The following MYC variants were observed in gnomAD, a reference collection of about 807,000 sequenced individuals.
The protein encoded by MYC is MYC proto-oncogene, bHLH transcription factor, also known as myc proto-oncogene protein.
MYC carries 1 observed loss-of-function variant against 30.5 expected under a neutral mutation model. That is an observed-to-expected ratio of 0.03 (90% CI 0.01 to 0.16). The LOEUF (loss-of-function observed/expected upper bound fraction) is 0.16. Among genes scored for constraint, MYC ranks in the 10% least tolerant of loss-of-function variants. MYC has a pLI of 1.00. For missense variants in MYC, 508 were observed against 589.0 expected (o/e 0.86, Z 1.42); for synonymous variants, 267 against 250.7 (o/e 1.07, Z -0.62).
chr8:127,738,058 A>G lies in MYC; in HGVS notation c.31-190A>G, dbSNP rs1404224049. Among the ~76,000 whole-genome samples, 3 of 151,856 alleles carry G rather than the reference A, an allele frequency of 2.0e-5. No individual in the cohort carries two copies. The highest frequency in any genetic ancestry group is 2.1e-4 in the South Asian group (1 of 4,816). On this transcript the variant is annotated intron_variant, in intron 1 of 2. Coordinates refer to ENST00000621592, the MANE Select transcript of MYC (RefSeq NM_002467.6). The surrounding 1 kb of genome is among the most constrained non-coding windows in gnomAD (Gnocchi z 7.6). The stretch of plus-strand genomic sequence containing the variant: ...TCACTAAGTGCGTCTCCGAGATAGC[A>G]GGGGACTGTCCAAAGGGGGTGAAAG...
chr8:127,740,572 C>T lies in MYC; in HGVS notation c.979C>T (p.Pro327Ser), dbSNP rs781494801. 36 of 1,613,910 alleles carry T rather than the reference C, an allele frequency of 2.2e-5. No individual in the cohort carries two copies. Among genetic ancestry groups the T allele is most frequent in the African/African-American group, 4.0e-5 (3 of 74,862 alleles). The change falls in exon 3 of 3, where the codon CCT becomes TCT. Residue 327 changes from proline (P) to serine (S), a missense_variant. Physicochemically the swap from Pro to Ser is moderately conservative, Grantham distance 74. Transcript: ENST00000621592. ...CACACATCAGCACAACTACGCAGCG[C>T]CTCCCTCCACTCGGAAGGACTATCC...
In MYC at chr8:127,738,543, C is replaced by T. The variant is rs1314120778; in HGVS notation, c.326C>T (p.Ser109Phe). The T allele has an allele frequency of 1.2e-6, 2 of 1,612,812 alleles. No homozygotes were observed. Among genetic ancestry groups the T allele is most frequent in the South Asian group, 2.2e-5 (2 of 90,862 alleles). Residue 109 changes from serine to phenylalanine, a missense_variant, in exon 2 of 3, where the codon TCC becomes TTC. Coordinates refer to ENST00000621592, the MANE Select transcript of MYC (RefSeq NM_002467.6). This position sits in a 1 kb window ranked among gnomAD's most constrained non-coding sequence, Gnocchi z 7.6. ...AACGACGGCGGTGGCGGGAGCTTCT[C>T]CACGGCCGACCAGCTGGAGATGGTG...
Position 127,742,545 on chromosome 8 carries a change from G to A in MYC, c.*1587G>A, listed in dbSNP as rs1257331219. Reference sequence around the variant, plus strand: ...TTAATTTTTCCTTTTACAATGAGAAGGTCACCATCTTGACTCCTACCTTAG... The same window carrying A: ...TTAATTTTTCCTTTTACAATGAGAAAGTCACCATCTTGACTCCTACCTTAG... On this transcript the variant is annotated 3_prime_UTR_variant, in exon 3 of 3. Transcript: ENST00000621592. Among the ~76,000 whole-genome samples, 1 of 152,152 alleles carries A rather than the reference G, an allele frequency of 6.6e-6. No individual in the cohort carries two copies. Among genetic ancestry groups the A allele is most frequent in the East Asian group, 1.9e-4 (1 of 5,204 alleles).
Position 127,738,021 on chromosome 8 carries a change from C to T in MYC, c.31-227C>T, listed in dbSNP as rs573678296. Among the ~76,000 whole-genome samples the T allele has an allele frequency of 1.4e-4, 21 of 152,340 alleles. No homozygotes were observed. In the South Asian group the frequency reaches 4.1e-3, roughly 30 times the overall value. On this transcript the variant is annotated intron_variant, in intron 1 of 2. Transcript: ENST00000621592. This position sits in a 1 kb window ranked among gnomAD's most constrained non-coding sequence, Gnocchi z 7.6. ...GGGGGAGCGGGGGCTCGGCGGGCAC[C>T]AAGCCGCTGGTTCACTAAGTGCGTC... is the stretch of plus-strand genomic sequence containing the variant.
At position 127,736,626 on chromosome 8, in the gene MYC, A is replaced by G. The variant is rs201238897; in HGVS notation, c.30+3A>G. 18 of 1,614,054 alleles carry G rather than the reference A, an allele frequency of 1.1e-5. No individual in the cohort carries two copies. In the East Asian group the frequency reaches 3.6e-4, roughly 32 times the overall value. On this transcript the variant is annotated splice_donor_region_variant and intron_variant, in intron 1 of 2. Transcript: ENST00000621592. ...TTTTTCGGGTAGTGGAAAACCAGGT[A>G]AGCACCGAAGTCCACTTGCCTTTTA... is the stretch of plus-strand genomic sequence containing the variant.
At position 127,740,608 on chromosome 8, in the gene MYC, A is replaced by G. The variant is rs2130104232; in HGVS notation, c.1015A>G (p.Arg339Gly). The G allele has an allele frequency of 6.2e-7, 1 of 1,614,078 alleles. No homozygotes were observed. Among genetic ancestry groups the G allele is most frequent in the Non-Finnish European group, 8.5e-7 (1 of 1,180,010 alleles). Reference sequence around the variant, plus strand: ...TCGGAAGGACTATCCTGCTGCCAAGAGGGTCAAGTTGGACAGTGTCAGAGT... The same window carrying G: ...TCGGAAGGACTATCCTGCTGCCAAGGGGGTCAAGTTGGACAGTGTCAGAGT... The change falls in exon 3 of 3, where the codon AGG (arginine) becomes GGG (glycine). Residue 339 changes from arginine to glycine, a missense_variant. By Grantham distance (125) the Arg-to-Gly change is moderately radical. Coordinates refer to ENST00000621592, the MANE Select transcript of MYC (RefSeq NM_002467.6).
chr8:127,736,088 T>C (rs897276339), upstream of MYC: 6 of 425,956 alleles, frequency 1.4e-5, no homozygotes, highest in East Asian at 2.0e-4. Context: ...GCTGTGCTGC[T>C]CGCGGCCGCC....
At chr8:127,735,823 A>T, upstream of MYC, 1 of 399,046 alleles carries the variant, frequency 2.5e-6, no homozygotes, top group Admixed American at 4.4e-5. Context: ...TTTGAGAGGG[A>T]GCAAAAGAAA....
chr8:127,736,545 C>T lies in MYC; in HGVS notation c.-49C>T. The T allele has an allele frequency of 6.2e-7, 1 of 1,610,874 alleles. No homozygotes were observed. The highest frequency in any genetic ancestry group is 1.1e-5 in the South Asian group (1 of 90,820). On this transcript the variant is annotated 5_prime_UTR_variant, in exon 1 of 3. Transcript: ENST00000621592. ...CCCATTTGGGGACACTTCCCCGCCG[C>T]TGCCAGGACCCGCTTCTCTGAAAGG...
Position 127,738,240 on chromosome 8 carries a change from C to A in MYC, c.31-8C>A, listed in dbSNP as rs374718932. On this transcript the variant is annotated splice_polypyrimidine_tract_variant and splice_region_variant and intron_variant, in intron 1 of 2. Coordinates refer to ENST00000621592, the MANE Select transcript of MYC (RefSeq NM_002467.6). The surrounding 1 kb of genome is among the most constrained non-coding windows in gnomAD (Gnocchi z 7.6). ...AGACTGCCTCCCGCTTTGTGTGCCCCGCTCCAGCAGCCTCCCGCGACGATG... is the reference window on the plus strand; with the variant it reads ...AGACTGCCTCCCGCTTTGTGTGCCCAGCTCCAGCAGCCTCCCGCGACGATG... 3 of 1,571,160 alleles carry A rather than the reference C, an allele frequency of 1.9e-6. No homozygotes were observed. In the South Asian group the frequency reaches 3.5e-5, roughly 18 times the overall value.
chr8:127,737,887 A>G (rs1261962253), intron 1 of MYC, among the ~76,000 whole-genome samples: 1 of 152,020 alleles, frequency 6.6e-6, no homozygotes, highest in Non-Finnish European at 1.5e-5. Flanking sequence ...GATTTTGGCA[A>G]ATTGTTTTCC....
At position 127,738,991 on chromosome 8, in the gene MYC, G is replaced by T; in HGVS notation, c.774G>T (p.Glu258Asp). Residue 258 changes from glutamate to aspartate, a missense_variant, in exon 2 of 3, where the codon GAG (glutamate) becomes GAT (aspartate). Physicochemically the swap from Glu to Asp is conservative, Grantham distance 45 (BLOSUM62 2). Coordinates refer to ENST00000621592, the MANE Select transcript of MYC (RefSeq NM_002467.6). The surrounding 1 kb of genome is among the most constrained non-coding windows in gnomAD (Gnocchi z 7.6). The stretch of plus-strand genomic sequence containing the variant: ...CCGAGCCCCTGGTGCTCCATGAGGA[G>T]ACACCGCCCACCACCAGCAGCGACT... 1 of 1,530,576 alleles carries T rather than the reference G, an allele frequency of 6.5e-7. No homozygotes were observed. The highest frequency in any genetic ancestry group is 8.7e-7 in the Non-Finnish European group (1 of 1,145,766). The allele number at this position is 1,530,576 out of a possible 1,614,324, so 94.8% of individuals were successfully genotyped here. A position where few individuals can be genotyped will look rare whatever the true frequency, so the allele number is the denominator to read the frequency against.
chr8:127,738,731 A>C lies in MYC; in HGVS notation c.514A>C (p.Lys172Gln), dbSNP rs755827927. 5 of 1,613,622 alleles carry C rather than the reference A, an allele frequency of 3.1e-6. No individual in the cohort carries two copies. The highest frequency in any genetic ancestry group is 4.5e-5 in the East Asian group (2 of 44,890). Residue 172 changes from lysine to glutamine, a missense_variant, in exon 2 of 3, where the codon AAA (lysine) becomes CAA (glutamine). Coordinates refer to ENST00000621592, the MANE Select transcript of MYC (RefSeq NM_002467.6). This position sits in a 1 kb window ranked among gnomAD's most constrained non-coding sequence, Gnocchi z 7.6. Reference sequence around the variant, plus strand: ...GCTGGCCTCCTACCAGGCTGCGCGCAAAGACAGCGGCAGCCCGAACCCCGC... The same window carrying C: ...GCTGGCCTCCTACCAGGCTGCGCGCCAAGACAGCGGCAGCCCGAACCCCGC...
Position 127,738,325 on chromosome 8 carries a change from G to A in MYC, c.108G>A (p.Pro36=), listed in dbSNP as rs1813641484. ...ACCTCGACTACGACTCGGTGCAGCCGTATTTCTACTGCGACGAGGAGGAGA... is the reference window on the plus strand; with the variant it reads ...ACCTCGACTACGACTCGGTGCAGCCATATTTCTACTGCGACGAGGAGGAGA... Residue 36 remains proline (P), a synonymous_variant, in exon 2 of 3, where the codon CCG becomes CCA. Transcript: ENST00000621592. This position sits in a 1 kb window ranked among gnomAD's most constrained non-coding sequence, Gnocchi z 7.6. 2.5e-6 allele frequency: 4 copies of A among 1,614,024 alleles called. No homozygotes were observed. Among genetic ancestry groups the A allele is most frequent in the Non-Finnish European group, 3.4e-6 (4 of 1,179,942 alleles).
In MYC at chr8:127,741,042, C is replaced by T; in HGVS notation, c.*84C>T. 1 of 1,245,628 alleles carries T rather than the reference C, an allele frequency of 8.0e-7. No individual in the cohort carries two copies. Among genetic ancestry groups the T allele is most frequent in the Non-Finnish European group, 1.1e-6 (1 of 925,682 alleles). The allele number at this position is 1,245,628 out of a possible 1,614,324, so 77.2% of individuals were successfully genotyped here. ...CTTGTTTCAAATGCATGATCAAATG[C>T]AACCTCACAACCTTGGCTGAGTCTT... On this transcript the variant is annotated 3_prime_UTR_variant, in exon 3 of 3. Transcript: ENST00000621592.
chr8:127,735,481 C>T (rs763409129), upstream of MYC: 45 of 399,326 alleles, frequency 1.1e-4, no homozygotes, highest in Non-Finnish European at 2.7e-5. Context: ...CAATGCGTTG[C>T]TGGGTTATTT....
At chr8:127,735,630 C>T (rs916421597), upstream of MYC, 80 of 399,090 alleles carry the variant, frequency 2.0e-4, no homozygotes, top group East Asian at 2.6e-3. Context: ...CAAAGCGCGG[C>T]CCTTTCCCCA....
chr8:127,738,278 A>G lies in MYC; in HGVS notation c.61A>G (p.Ser21Gly). 1 of 1,602,910 alleles carries G rather than the reference A, an allele frequency of 6.2e-7. No individual in the cohort carries two copies. The highest frequency in any genetic ancestry group is 8.5e-7 in the Non-Finnish European group (1 of 1,171,948). ...TCCCGCGACGATGCCCCTCAACGTT[A>G]GCTTCACCAACAGGAACTATGACCT... The change falls in exon 2 of 3, where the codon AGC becomes GGC. Residue 21 changes from serine (S) to glycine (G), a missense_variant. Ser to Gly is a moderately conservative substitution (Grantham distance 56). Transcript: ENST00000621592. The surrounding 1 kb of genome is among the most constrained non-coding windows in gnomAD (Gnocchi z 7.6).
At position 127,740,581 on chromosome 8, in the gene MYC, A is replaced by G. The variant is rs746409847; in HGVS notation, c.988A>G (p.Thr330Ala). The G allele has an allele frequency of 1.9e-6, 3 of 1,613,682 alleles. No individual in the cohort carries two copies. Among genetic ancestry groups the G allele is most frequent in the African/African-American group, 1.3e-5 (1 of 74,762 alleles). Residue 330 changes from threonine (T) to alanine (A), a missense_variant, in exon 3 of 3, where the codon ACT (threonine) becomes GCT (alanine). Physicochemically the swap from Thr to Ala is moderately conservative, Grantham distance 58. This residue lies in a region of MYC where 364 missense variants were observed against 381.1 expected (regional missense o/e 0.96). Transcript: ENST00000621592. ...GCACAACTACGCAGCGCCTCCCTCC[A>G]CTCGGAAGGACTATCCTGCTGCCAA...
Sources: allele counts gnomAD v4.1 joint callset (sites outside exome capture counted in the v4.1 genomes callset), GRCh38; gene constraint gnomAD v4.1.1; regional missense constraint gnomAD v4.1.1; non-coding constraint Gnocchi (gnomAD v3.1); transcripts MANE v1.5; gene names NCBI Gene and HGNC (gene_info 2026-07-23, HGNC 2026-07-21).